The following ERBB4 variants were observed in gnomAD, a reference collection of about 807,000 sequenced individuals.
The protein encoded by ERBB4 is receptor tyrosine-protein kinase erbB-4.
In ERBB4, 42 loss-of-function variants were observed where a neutral mutation model predicts 158.0. The ratio of observed to expected loss-of-function variants is 0.27; its 90% CI spans 0.21 to 0.34. The LOEUF (loss-of-function observed/expected upper bound fraction) is 0.34. ERBB4 is among the 10% of genes least tolerant of loss of function. The probability of loss-of-function intolerance (pLI) is 1.00; values close to 1 mark genes in which losing one functional copy is unlikely to be tolerated. For missense variants in ERBB4, 1,333 were observed against 1,624.1 expected, an observed-to-expected ratio of 0.82 and a Z score of 3.08; for synonymous variants, 583 against 558.7, an observed-to-expected ratio of 1.04 and a Z score of -0.61.
intron 3 of ERBB4, among the ~76,000 whole-genome samples, chr2:211,897,033 AATT>A (rs1299655706): frequency 5.3e-5 from 8 of 150,494 alleles, no homozygotes; most frequent in South Asian, 2.1e-4. Flanking sequence ...CATGCCCTGT[AATT>A]ATTATTAATA....
chr2:212,344,773 T>G (rs527477520), intron 1 of ERBB4, among the ~76,000 whole-genome samples: 2 of 152,154 alleles, frequency 1.3e-5, no homozygotes, highest in East Asian at 3.9e-4. Context: ...CAGTAGAGTG[T>G]CTAAGAGTCT....
chr2:212,287,735 T>G (rs1355605044), intron 1 of ERBB4, among the ~76,000 whole-genome samples: 1 of 152,116 alleles, frequency 6.6e-6, no homozygotes, highest in Non-Finnish European at 1.5e-5. Context: ...ATTAGGCCAA[T>G]AAAAAAGAAC....
chr2:211,661,673 C>T (rs188175526), intron 15 of ERBB4, among the ~76,000 whole-genome samples: 296 of 152,172 alleles, frequency 1.9e-3, no homozygotes, highest in Admixed American at 6.6e-3. Flanking sequence ...ACAAGCAGCC[C>T]TTCTTTCCCT....
At chr2:212,356,258 C>T (rs1042451098) in intron 1 of ERBB4, among the ~76,000 whole-genome samples, 2 of 151,942 alleles carry the variant, frequency 1.3e-5, no homozygotes, top group Non-Finnish European at 2.9e-5. Context: ...GATCCTCACA[C>T]AACTACAGAA....
chr2:211,517,916 T>C (rs2066081262), intron 20 of ERBB4, among the ~76,000 whole-genome samples: 1 of 152,106 alleles, frequency 6.6e-6, no homozygotes. Context: ...GCCTCTCAAA[T>C]CCTATCTTCT....
intron 3 of ERBB4, among the ~76,000 whole-genome samples, chr2:211,898,045 T>C (rs10207941): frequency 0.19 from 28,356 of 151,984 alleles, 2,815 homozygotes; most frequent in South Asian, 0.29. Context: ...GTTACAAGTA[T>C]GAGCCATTTC....
rs1225867697 is a variant in ERBB4, at chr2:211,691,602, G to GTGTGTGTGTATA, written c.1489+10364_1489+10365insTATACACACACA. ...TGTGTGTGTGTGTGTGTGTGTGTGT[G>GTGTGTGTGTATA]TATATATATAACAGATTGCTGAGAG... On this transcript the variant is annotated intron_variant, in intron 12 of 27. Transcript: ENST00000342788. 3.1e-4 allele frequency among the ~76,000 whole-genome samples: 45 copies of GTGTGTGTGTATA among 145,424 alleles called. 1 individual carries two copies. The highest frequency in any genetic ancestry group is 1.1e-3 in the African/African-American group (44 of 39,154).
At chr2:211,606,435 T>C (rs920399730) in intron 19 of ERBB4, among the ~76,000 whole-genome samples, 1 of 63,300 alleles carries the variant, frequency 1.6e-5, no homozygotes, top group African/African-American at 4.7e-5. Context: ...AAAAGGAATA[T>C]GGATTTGGAA....
chr2:212,039,406 T>C (rs1417774100), intron 2 of ERBB4, among the ~76,000 whole-genome samples: 18 of 152,196 alleles, frequency 1.2e-4, no homozygotes, highest in Admixed American at 2.0e-4. Context: ...TGAAGGATCT[T>C]GAAGAGAGGA....
At chr2:212,009,199 T>C (rs1423493243) in intron 2 of ERBB4, among the ~76,000 whole-genome samples, 2 of 152,026 alleles carry the variant, frequency 1.3e-5, no homozygotes. Context: ...ATGAATGTGA[T>C]CTTCTTTGGA....
intron 25 of ERBB4, among the ~76,000 whole-genome samples, chr2:211,407,647 A>AATTCAGCTTTTGCTCAAGTGT (rs1419709174): frequency 5.3e-5 from 8 of 152,202 alleles, no homozygotes; most frequent in African/African-American, 1.9e-4. Context: ...CCCATCTCTC[A>AATTCAGCTTTTGCTCAAGTGT]ATTCAGCTTT....
At chr2:212,112,535 A>G (rs2125543172) in intron 2 of ERBB4, among the ~76,000 whole-genome samples, 1 of 152,206 alleles carries the variant, frequency 6.6e-6, no homozygotes, top group Non-Finnish European at 1.5e-5. Context: ...ATTGGTAAAT[A>G]GTAGGCAGCA....
At chr2:211,455,433 C>A (rs922392982) in intron 20 of ERBB4, among the ~76,000 whole-genome samples, 1 of 152,116 alleles carries the variant, frequency 6.6e-6, no homozygotes, top group Non-Finnish European at 1.5e-5. Context: ...CAGTAGGTGG[C>A]AGCACTGTTC....
At chr2:212,445,438 A>G (rs190916260) in intron 1 of ERBB4, among the ~76,000 whole-genome samples, 1 of 152,130 alleles carries the variant, frequency 6.6e-6, no homozygotes, top group African/African-American at 2.4e-5. Context: ...TGCCACCAGG[A>G]GACACAACAA....
chr2:211,945,563 T>A (rs2080665987), intron 3 of ERBB4, among the ~76,000 whole-genome samples: 1 of 152,074 alleles, frequency 6.6e-6, no homozygotes, highest in South Asian at 2.1e-4. Context: ...CAAAAGAAAA[T>A]CTCACAGCTT....
intron 3 of ERBB4, among the ~76,000 whole-genome samples, chr2:211,793,544 C>T (rs1249814890): frequency 6.6e-5 from 10 of 151,880 alleles, no homozygotes; most frequent in Non-Finnish European, 1.0e-4. Flanking sequence ...CAAGATGAAG[C>T]CACAGAAAGC....
Position 211,431,076 on chromosome 2 carries a change from G to T in ERBB4, c.2512C>A (p.Arg838=), listed in dbSNP as rs1423325504. 14 of 1,613,660 alleles carry T rather than the reference G, an allele frequency of 8.7e-6. No individual in the cohort carries two copies. Among genetic ancestry groups the T allele is most frequent in the Non-Finnish European group, 1.2e-5 (14 of 1,179,746 alleles). ...AKGMMYLEER[R]LVHRDLAARN... ...GCTGCCAAATCCCGATGAACGAGTC[G>T]TCTTTCTTCCAGGTACATCATTCCC... is the stretch of plus-strand genomic sequence containing the variant. The change falls in exon 21 of 28, where the codon CGA becomes AGA. Residue 838 remains arginine, a synonymous_variant. Coordinates refer to ENST00000342788, the MANE Select transcript of ERBB4 (RefSeq NM_005235.3).
chr2:211,628,190 T>C (rs1368795538), intron 17 of ERBB4, among the ~76,000 whole-genome samples: 1 of 148,524 alleles, frequency 6.7e-6, no homozygotes, highest in Non-Finnish European at 1.5e-5. Context: ...TATTATACTT[T>C]AAGTTTTAGG....
intron 24 of ERBB4, among the ~76,000 whole-genome samples, chr2:211,421,674 A>T (rs2063517599): frequency 6.6e-6 from 1 of 151,900 alleles, no homozygotes; most frequent in Admixed American, 6.6e-5. Flanking sequence ...TTCCGAAAAA[A>T]GAAAATTATA....
Sources: gnomAD v4.1 joint callset for allele counts (sites outside exome capture counted in the v4.1 genomes callset) on GRCh38, gnomAD v4.1.1 for gene constraint, MANE v1.5 for transcripts, NCBI Gene and HGNC (gene_info 2026-07-23, HGNC 2026-07-21) for gene names.